ZSCAN26: variants seen among roughly 807,000 people sequenced by gnomAD.
ZSCAN26 encodes the protein zinc finger and SCAN domain-containing protein 26.
In ZSCAN26, 26 loss-of-function variants were observed where a neutral mutation model predicts 23.0. The observed-to-expected ratio is 1.13, with a 90% confidence interval of 0.83 to 1.57. The LOEUF (loss-of-function observed/expected upper bound fraction) is 1.57, where lower values mean the gene tolerates loss of function less well. Among genes scored for constraint, ZSCAN26 ranks in the 40% most tolerant of loss-of-function variants. ZSCAN26 has a pLI of 0.00. For synonymous variants in ZSCAN26, 180 were observed against 202.5 expected (o/e 0.89, Z 0.94); for missense variants, 528 against 568.5 (o/e 0.93, Z 0.72).
In ZSCAN26 at chr6:28,276,680, A is replaced by G; in HGVS notation, c.1024A>G (p.Ile342Val). 6.2e-7 allele frequency: 1 copy of G among 1,611,812 alleles called. No homozygotes were observed. Among genetic ancestry groups the G allele is most frequent in the South Asian group, 1.1e-5 (1 of 90,632 alleles). The change falls in exon 4 of 4, where the codon ATC becomes GTC. Residue 342 changes from isoleucine to valine, a missense_variant. Coordinates refer to ENST00000421553, the MANE Select transcript of ZSCAN26 (RefSeq NM_001023560.4). ...TACTGGAGAGAAACCTTATCTATGT[A>G]TCCATTGTGGAAAAAATTTTAGGCG... is the stretch of plus-strand genomic sequence containing the variant. ...IHTGEKPYLC[I>V]HCGKNFRRSS... is the part of the protein sequence containing the mutation.
chr6:28,271,984 G>A lies in ZSCAN26; in HGVS notation c.65G>A (p.Arg22Gln), dbSNP rs1226330246. ...CTGAATCTGAAGAAGGAGGGGCTTC[G>A]GGTAGTGAGGGAGGATCACTACTCT... is the stretch of plus-strand genomic sequence containing the variant. ...APLNLKKEGLRVVREDHYSTW... is the reference protein window; with the variant it reads ...APLNLKKEGLQVVREDHYSTW... Residue 22 changes from arginine to glutamine, a missense_variant, in exon 2 of 4, where the codon CGG becomes CAG. By Grantham distance (43) the Arg-to-Gln change is conservative. Transcript: ENST00000421553. 8 of 1,551,572 alleles carry A rather than the reference G, an allele frequency of 5.2e-6. No individual in the cohort carries two copies. In the Admixed American group the frequency reaches 7.8e-5, roughly 15 times the overall value.
chr6:28,276,329 A>C lies in ZSCAN26; in HGVS notation c.673A>C (p.Lys225Gln), dbSNP rs771150743. The C allele has an allele frequency of 2.5e-6, 4 of 1,614,014 alleles. No individual in the cohort carries two copies. Among genetic ancestry groups the C allele is most frequent in the Non-Finnish European group, 3.4e-6 (4 of 1,179,874 alleles). ...CTCTAACTTGGAAAGGCATCAGGCCAAGCCCAAAGAGAAGATTGAGTATAA... is the reference window on the plus strand; with the variant it reads ...CTCTAACTTGGAAAGGCATCAGGCCCAGCCCAAAGAGAAGATTGAGTATAA... ...EGSNLERHQA[K>Q]PKEKIEYKCS... The change falls in exon 4 of 4, where the codon AAG becomes CAG. Residue 225 changes from lysine to glutamine, a missense_variant. Transcript: ENST00000421553.
In ZSCAN26 at chr6:28,272,070, T is replaced by C; in HGVS notation, c.151T>C (p.Cys51Arg). The change falls in exon 2 of 4, where the codon TGC (cysteine) becomes CGC (arginine). Residue 51 changes from cysteine (C) to arginine (R), a missense_variant. Coordinates refer to ENST00000421553, the MANE Select transcript of ZSCAN26 (RefSeq NM_001023560.4). ...NSKGLGQEPL[C>R]KQFRQLRYEE... ...TAAAGGCCTTGGACAGGAGCCATTGTGCAAACAATTCAGGCAGTTGCGTTA... is the reference window on the plus strand; with the variant it reads ...TAAAGGCCTTGGACAGGAGCCATTGCGCAAACAATTCAGGCAGTTGCGTTA... The C allele has an allele frequency of 6.4e-7, 1 of 1,562,374 alleles. No individual in the cohort carries two copies. Among genetic ancestry groups the C allele is most frequent in the Non-Finnish European group, 8.7e-7 (1 of 1,152,852 alleles).
intron 1 of ZSCAN26, among the ~76,000 whole-genome samples, chr6:28,270,936 T>C (rs1390645393): frequency 6.6e-6 from 1 of 152,238 alleles, no homozygotes; most frequent in Non-Finnish European, 1.5e-5. Flanking sequence ...GTGAATTCCT[T>C]CTGTTCTTTA....
chr6:28,276,593 T>A lies in ZSCAN26; in HGVS notation c.937T>A (p.Cys313Ser), dbSNP rs1761948961. The A allele has an allele frequency of 6.2e-7, 1 of 1,612,854 alleles. No homozygotes were observed. The highest frequency in any genetic ancestry group is 8.5e-7 in the Non-Finnish European group (1 of 1,179,444). Residue 313 changes from cysteine to serine, a missense_variant, in exon 4 of 4, where the codon TGC becomes AGC. Physicochemically the swap from Cys to Ser is moderately radical, Grantham distance 112. Transcript: ENST00000421553. ...KIHLGEKPYQ[C>S]NECGKVFSQN... ...CCATCTTGGTGAGAAGCCTTATCAGTGCAATGAGTGTGGCAAAGTCTTTAG... is the reference window on the plus strand; with the variant it reads ...CCATCTTGGTGAGAAGCCTTATCAGAGCAATGAGTGTGGCAAAGTCTTTAG...
At position 28,272,822 on chromosome 6, in the gene ZSCAN26, G is replaced by A. The variant is rs12202604; in HGVS notation, c.538+35G>A. 5,132 of 1,546,082 alleles carry A rather than the reference G, an allele frequency of 3.3e-3. 15 individuals are homozygous for A. Among genetic ancestry groups the A allele is most frequent in the Non-Finnish European group, 4.0e-3 (4,506 of 1,122,932 alleles). On this transcript the variant is annotated intron_variant, in intron 3 of 3. Transcript: ENST00000421553. ...GGATTGCATCTTCTGTGTGTGAGAC[G>A]TGGTGGACTGTGCCTTTCCCTCTGA...
In ZSCAN26 at chr6:28,272,803, C is replaced by T. The variant is rs1271966938; in HGVS notation, c.538+16C>T. The T allele has an allele frequency of 6.3e-7, 1 of 1,596,484 alleles. No homozygotes were observed. Among genetic ancestry groups the T allele is most frequent in the South Asian group, 1.1e-5 (1 of 89,760 alleles). ...AAAGAGAAGGGTAAGAATTGGATTG[C>T]ATCTTCTGTGTGTGAGACGTGGTGG... On this transcript the variant is annotated intron_variant, in intron 3 of 3. Transcript: ENST00000421553.
At chr6:28,274,473 G>A (rs937269189) in intron 3 of ZSCAN26, among the ~76,000 whole-genome samples, 21 of 152,238 alleles carry the variant, frequency 1.4e-4, no homozygotes, top group Non-Finnish European at 3.1e-4. Context: ...AAAAGTAAAT[G>A]TGGCTGCTGT....
At chr6:28,274,760 G>A (rs531267697) in intron 3 of ZSCAN26, among the ~76,000 whole-genome samples, 48 of 152,246 alleles carry the variant, frequency 3.2e-4, no homozygotes, top group African/African-American at 1.1e-3. Context: ...TGAATGTAAT[G>A]TCAGTAGACT....
chr6:28,277,103 G>A lies in ZSCAN26; in HGVS notation c.*7G>A. 6.2e-7 allele frequency: 1 copy of A among 1,608,320 alleles called. No individual in the cohort carries two copies. Among genetic ancestry groups the A allele is most frequent in the Non-Finnish European group, 8.5e-7 (1 of 1,177,812 alleles). ...CAAAGACAAACTGGCTTGATGAGGT[G>A]TTCTCTCCTTGTAGAACATCAGAGA... is the stretch of plus-strand genomic sequence containing the variant. On this transcript the variant is annotated 3_prime_UTR_variant, in exon 4 of 4. Transcript: ENST00000421553.
Position 28,276,743 on chromosome 6 carries a change from C to A in ZSCAN26, c.1087C>A (p.Gln363Lys). 6.2e-7 allele frequency: 1 copy of A among 1,613,788 alleles called. No homozygotes were observed. The highest frequency in any genetic ancestry group is 8.5e-7 in the Non-Finnish European group (1 of 1,179,798). The change falls in exon 4 of 4, where the codon CAG becomes AAG. Residue 363 changes from glutamine (Q) to lysine (K), a missense_variant. Physicochemically the swap from Gln to Lys is moderately conservative, Grantham distance 53. Coordinates refer to ENST00000421553, the MANE Select transcript of ZSCAN26 (RefSeq NM_001023560.4). Reference sequence around the variant, plus strand: ...TAATCGACATCAGAGAATTCACAGTCAGGAGGAGCCCTGTGAGTGCAAGGA... The same window carrying A: ...TAATCGACATCAGAGAATTCACAGTAAGGAGGAGCCCTGTGAGTGCAAGGA... ...HLNRHQRIHS[Q>K]EEPCECKECG...
chr6:28,268,858 A>T (rs1233237392), intron 1 of ZSCAN26, among the ~76,000 whole-genome samples: 1 of 152,196 alleles, frequency 6.6e-6, no homozygotes, highest in African/African-American at 2.4e-5. Context: ...CATGCCTGTA[A>T]TCCCAGCACT....
At chr6:28,269,201 C>G (rs147178674) in intron 1 of ZSCAN26, among the ~76,000 whole-genome samples, 296 of 151,276 alleles carry the variant, frequency 2.0e-3, no homozygotes, top group Non-Finnish European at 3.0e-3. Flanking sequence ...GATATAGATA[C>G]CAGTATATAT....
At chr6:28,270,688 C>G (rs1761645935) in intron 1 of ZSCAN26, among the ~76,000 whole-genome samples, 1 of 152,180 alleles carries the variant, frequency 6.6e-6, no homozygotes, top group South Asian at 2.1e-4. Flanking sequence ...TCTGCCCTAT[C>G]TTTCTTGTTC....
In ZSCAN26 at chr6:28,276,537, G is replaced by A. The variant is rs1275582262; in HGVS notation, c.881G>A (p.Arg294Lys). Reference sequence around the variant, plus strand: ...CATGAGTGTGGGAAAGCCTTTCAGAGGAGTTCACACCTCGTCAGACATCAG... The same window carrying A: ...CATGAGTGTGGGAAAGCCTTTCAGAAGAGTTCACACCTCGTCAGACATCAG... Reference protein sequence around the residue: ...QCHECGKAFQRSSHLVRHQKI... With the variant: ...QCHECGKAFQKSSHLVRHQKI... Residue 294 changes from arginine to lysine, a missense_variant, in exon 4 of 4, where the codon AGG becomes AAG. Coordinates refer to ENST00000421553, the MANE Select transcript of ZSCAN26 (RefSeq NM_001023560.4). 6.2e-7 allele frequency: 1 copy of A among 1,613,716 alleles called. No individual in the cohort carries two copies. Among genetic ancestry groups the A allele is most frequent in the South Asian group, 1.1e-5 (1 of 91,000 alleles).
chr6:28,276,370 G>A lies in ZSCAN26; in HGVS notation c.714G>A (p.Glu238=). The change falls in exon 4 of 4, where the codon GAG becomes GAA. Residue 238 remains glutamate, a synonymous_variant. Transcript: ENST00000421553. ...EKIEYKCSER[E]QRFIQHLDLI... ...TTGAGTATAAATGCTCAGAACGTGA[G>A]CAGAGATTCATCCAGCACTTGGACC... 6.2e-7 allele frequency: 1 copy of A among 1,614,018 alleles called. No individual in the cohort carries two copies. The highest frequency in any genetic ancestry group is 8.5e-7 in the Non-Finnish European group (1 of 1,179,876).
At chr6:28,270,829 T>C (rs1283856503) in intron 1 of ZSCAN26, among the ~76,000 whole-genome samples, 2 of 152,250 alleles carry the variant, frequency 1.3e-5, no homozygotes, top group African/African-American at 4.8e-5. Flanking sequence ...TCTTTGTTTT[T>C]GAATCAAGTG....
At chr6:28,272,937 C>G (rs1423681281) in intron 3 of ZSCAN26, 150 bp downstream of exon 3, 6 of 638,160 alleles carry the variant, frequency 9.4e-6, no homozygotes, top group Non-Finnish European at 1.6e-5. Flanking sequence ...AAAATTCACT[C>G]TTTTTAGATG....
At chr6:28,268,383 T>C (rs1761529850) in intron 1 of ZSCAN26, among the ~76,000 whole-genome samples, 2 of 152,138 alleles carry the variant, frequency 1.3e-5, no homozygotes, top group Non-Finnish European at 2.9e-5. Flanking sequence ...AATAAAGTAC[T>C]TTATTAGATC....
Sources: allele counts gnomAD v4.1 joint callset (sites outside exome capture counted in the v4.1 genomes callset), GRCh38; gene constraint gnomAD v4.1.1; transcripts MANE v1.5; gene names NCBI Gene and HGNC (gene_info 2026-07-23, HGNC 2026-07-21).